Variants in LHFPL4 observed in about 807,000 individuals in gnomAD.
LHFPL4 encodes the protein LHFPL tetraspan subfamily member 4.
LHFPL4 carries 6 observed loss-of-function variants against 20.0 expected under a neutral mutation model. That is an observed-to-expected ratio of 0.30 (90% CI 0.16 to 0.59). The LOEUF (loss-of-function observed/expected upper bound fraction) is 0.59. Ranked by LOEUF, LHFPL4 falls within the 20% of genes least tolerant of loss-of-function variation. The probability of loss-of-function intolerance (pLI) is 0.88; values close to 1 mark genes in which losing one functional copy is unlikely to be tolerated. For missense variants in LHFPL4, 215 were observed against 331.2 expected (o/e 0.65, Z 2.72); for synonymous variants, 129 against 143.8 (o/e 0.90, Z 0.74).
Position 9,501,298 on chromosome 3 carries a change from C to A in LHFPL4, c.*913G>T, listed in dbSNP as rs1025315249. 1 of 152,678 alleles carries A rather than the reference C, an allele frequency of 6.5e-6. No individual in the cohort carries two copies. Among genetic ancestry groups the A allele is most frequent in the Admixed American group, 6.5e-5 (1 of 15,292 alleles). 9.5% of individuals were successfully genotyped at this position (152,678 alleles called of 1,614,324 possible). A position where few individuals can be genotyped will look rare whatever the true frequency, so the allele number is the denominator to read the frequency against. ...CCCACCTCTGGGGTCCCCTCCACACCCCCAACCCTGACAACAGGGCCAAGA... is the reference window on the plus strand; with the variant it reads ...CCCACCTCTGGGGTCCCCTCCACACACCCAACCCTGACAACAGGGCCAAGA... On this transcript the variant is annotated 3_prime_UTR_variant, in exon 4 of 4. Transcript: ENST00000287585.
At chr3:9,521,831 T>C (rs2046339858) in intron 2 of LHFPL4, among the ~76,000 whole-genome samples, 1 of 152,180 alleles carries the variant, frequency 6.6e-6, no homozygotes, top group Non-Finnish European at 1.5e-5. Flanking sequence ...TTTTTTAAAA[T>C]CTATTCTGAT....
At chr3:9,534,099 A>G (rs1185880112) in intron 2 of LHFPL4, among the ~76,000 whole-genome samples, 1 of 151,848 alleles carries the variant, frequency 6.6e-6, no homozygotes, top group Non-Finnish European at 1.5e-5. Flanking sequence ...GCCACCATGC[A>G]GTAGTCCCCG....
intron 2 of LHFPL4, among the ~76,000 whole-genome samples, chr3:9,551,755 A>G (rs1206315247): frequency 6.6e-6 from 1 of 152,108 alleles, no homozygotes; most frequent in African/African-American, 2.4e-5. Flanking sequence ...TAAAGGTTAC[A>G]AAACACTCTT....
rs1247457537 is a variant in LHFPL4, at chr3:9,506,675, G to A, written c.407-472C>T. 3.5e-4 allele frequency among the ~76,000 whole-genome samples: 7 copies of A among 20,236 alleles called. No individual in the cohort carries two copies. The highest frequency in any genetic ancestry group is 0.042 in the East Asian group (2 of 48). The allele number at this position is 20,236 out of a possible 152,430, so 13.3% of individuals were successfully genotyped here. On this transcript the variant is annotated intron_variant, in intron 2 of 3. Coordinates refer to ENST00000287585, the MANE Select transcript of LHFPL4 (RefSeq NM_198560.3). This position sits in a 1 kb window ranked among gnomAD's most constrained non-coding sequence, Gnocchi z 4.5. ...GGCTCACTGTAACCTCCACCTCCCG[G>A]GCTCAAGCAATTCTCCTGCCTCAGC...
chr3:9,524,016 C>T (rs1312530433), intron 2 of LHFPL4, among the ~76,000 whole-genome samples: 1 of 138,464 alleles, frequency 7.2e-6, no homozygotes, highest in Non-Finnish European at 1.6e-5. Flanking sequence ...TATTTCACTC[C>T]ATTCTCTTCT....
chr3:9,516,564 C>T (rs903543475), intron 2 of LHFPL4, among the ~76,000 whole-genome samples: 1 of 151,946 alleles, frequency 6.6e-6, no homozygotes, highest in Non-Finnish European at 1.5e-5. Flanking sequence ...ACCCCTACCT[C>T]CCAGGTTCAA....
intron 2 of LHFPL4, among the ~76,000 whole-genome samples, chr3:9,521,403 C>CT (rs540986600): frequency 0.043 from 6,006 of 140,914 alleles, 168 homozygotes; most frequent in Non-Finnish European, 0.065. Context: ...TTTTTTTCTA[C>CT]TTTTTTTTTT....
At chr3:9,539,192 C>T (rs1247656811) in intron 2 of LHFPL4, among the ~76,000 whole-genome samples, 1 of 152,128 alleles carries the variant, frequency 6.6e-6, no homozygotes, top group Non-Finnish European at 1.5e-5. Flanking sequence ...TGGTGGCTCA[C>T]ACCTGTAATC....
At chr3:9,551,286 T>A (rs189366600) in intron 2 of LHFPL4, among the ~76,000 whole-genome samples, 58 of 152,232 alleles carry the variant, frequency 3.8e-4, no homozygotes, top group Admixed American at 1.4e-3. Flanking sequence ...CCCCTTCTCT[T>A]TCTCATCCCT....
chr3:9,545,693 G>A (rs2633779), intron 2 of LHFPL4, among the ~76,000 whole-genome samples: 151,822 of 151,830 alleles, frequency 1, 75,907 homozygotes, highest in Middle Eastern at 1. Context: ...TCCAGCCTGG[G>A]CAACAGAGTG....
In LHFPL4 at chr3:9,552,608, C is replaced by T; in HGVS notation, c.72G>A (p.Val24=). 1 of 1,613,898 alleles carries T rather than the reference C, an allele frequency of 6.2e-7. No individual in the cohort carries two copies. Among genetic ancestry groups the T allele is most frequent in the Admixed American group, 1.7e-5 (1 of 60,024 alleles). The part of the protein sequence containing the change: ...HYMRNSRAIG[V]LWAIFTICFA... ...AGCAGATGGTGAAGATGGCCCACAG[C>T]ACGCCGATGGCCCGCGAGTTCCGCA... The change falls in exon 2 of 4, where the codon GTG becomes GTA. Residue 24 remains valine (V), a synonymous_variant. Transcript: ENST00000287585.
At chr3:9,544,207 C>T (rs955432129) in intron 2 of LHFPL4, among the ~76,000 whole-genome samples, 4 of 151,752 alleles carry the variant, frequency 2.6e-5, no homozygotes, top group African/African-American at 9.7e-5. Flanking sequence ...TGCCTGTGTA[C>T]CCTTTTTACC....
chr3:9,548,067 A>G (rs543215128), intron 2 of LHFPL4, among the ~76,000 whole-genome samples: 1 of 152,194 alleles, frequency 6.6e-6, no homozygotes, highest in South Asian at 2.1e-4. Context: ...CAGCCTCCCA[A>G]AGTGCTGAGA....
chr3:9,518,925 G>GTTTATTTATTTATTTATTTATTTA (rs111239616), intron 2 of LHFPL4, among the ~76,000 whole-genome samples: 4 of 145,048 alleles, frequency 2.8e-5, no homozygotes, highest in Non-Finnish European at 4.5e-5. Flanking sequence ...GCTAATTTTT[G>GTTTATTTATTTATTTATTTATTTA]TTTATTTATT....
At chr3:9,502,654 A>C (rs2125654229) in intron 3 of LHFPL4, among the ~76,000 whole-genome samples, 1 of 151,920 alleles carries the variant, frequency 6.6e-6, no homozygotes, top group Admixed American at 6.6e-5. Context: ...AGTGAGCCAA[A>C]ATTGCACCAC....
rs751347672 is a variant in LHFPL4, at chr3:9,552,572, G to A, written c.108C>T (p.Ile36=). ...AGGGCTGGATGAAGACCACCACGTT[G>A]ATGATGGCGAAGCAGATGGTGAAGA... The part of the protein sequence containing the change: ...WAIFTICFAI[I]NVVVFIQPYW... The change falls in exon 2 of 4, where the codon ATC becomes ATT. Residue 36 remains isoleucine, a synonymous_variant. Transcript: ENST00000287585. The A allele has an allele frequency of 6.2e-7, 1 of 1,614,004 alleles. No individual in the cohort carries two copies. The highest frequency in any genetic ancestry group is 2.2e-5 in the East Asian group (1 of 44,858).
intron 2 of LHFPL4, among the ~76,000 whole-genome samples, chr3:9,539,682 T>G (rs1391475879): frequency 6.6e-6 from 1 of 152,096 alleles, no homozygotes; most frequent in Non-Finnish European, 1.5e-5. Context: ...AGTCAAAAGA[T>G]AAACTGAGAA....
chr3:9,541,134 G>T (rs1439796226), intron 2 of LHFPL4, among the ~76,000 whole-genome samples: 1 of 151,784 alleles, frequency 6.6e-6, no homozygotes, highest in East Asian at 2.0e-4. Flanking sequence ...AGTAGAGACG[G>T]GGTTTCACCA....
At chr3:9,514,952 C>G (rs2046288531) in intron 2 of LHFPL4, among the ~76,000 whole-genome samples, 1 of 152,164 alleles carries the variant, frequency 6.6e-6, no homozygotes, top group African/African-American at 2.4e-5. Flanking sequence ...ATGAATAAAG[C>G]TGATGTAAAT....
Sources: allele counts gnomAD v4.1 joint callset (sites outside exome capture counted in the v4.1 genomes callset), GRCh38; gene constraint gnomAD v4.1.1; non-coding constraint Gnocchi (gnomAD v3.1); transcripts MANE v1.5; gene names NCBI Gene and HGNC (gene_info 2026-07-23, HGNC 2026-07-21).